The following ENPP3 variants were observed in gnomAD, a reference collection of about 807,000 sequenced individuals.
ENPP3 encodes the protein ectonucleotide pyrophosphatase/phosphodiesterase 3.
In ENPP3, 104 loss-of-function variants were observed where a neutral mutation model predicts 117.8. The ratio of observed to expected loss-of-function variants is 0.88; its 90% confidence interval spans 0.75 to 1.04. The LOEUF (loss-of-function observed/expected upper bound fraction) is 1.04. Among genes scored for constraint, ENPP3 ranks in the 50% least tolerant of loss-of-function variants. The pLI is 0.00. For missense variants in ENPP3, 1,026 were observed against 1,051.9 expected (o/e 0.98, Z 0.34); for synonymous variants, 380 against 349.9 (o/e 1.09, Z -0.96).
At chr6:131,724,163 C>A in intron 19 of ENPP3, 72 bp downstream of exon 19, 1 of 1,012,592 alleles carries the variant, frequency 9.9e-7, no homozygotes, top group Non-Finnish European at 1.5e-6. Context: ...CCTTTTAGGA[C>A]TCTCCAAAAT....
rs1254378060 is a variant in ENPP3, at chr6:131,720,325, G to C, written c.1513G>C (p.Glu505Gln). 5 of 1,600,850 alleles carry C rather than the reference G, an allele frequency of 3.1e-6. No individual in the cohort carries two copies. Among genetic ancestry groups the C allele is most frequent in the Non-Finnish European group, 4.3e-6 (5 of 1,172,218 alleles). The stretch of plus-strand genomic sequence containing the variant: ...TCTGGCACATGGACCCAGTTTTAAA[G>C]AGAAGACTGAAGTTGAACCATTTGA... ...IFLAHGPSFK[E>Q]KTEVEPFENI... Residue 505 changes from glutamate (E) to glutamine (Q), a missense_variant, in exon 17 of 25, where the codon GAG (glutamate) becomes CAG (glutamine). Transcript: ENST00000357639.
In ENPP3 at chr6:131,743,824, CAAAATAAAAT is replaced by C. The variant is rs3884395; in HGVS notation, c.2458-2938_2458-2929del. On this transcript the variant is annotated intron_variant, in intron 24 of 24. Coordinates refer to ENST00000357639, the MANE Select transcript of ENPP3 (RefSeq NM_005021.5). ...TGGGCAACAGAACAAGACTCTGTCTCAAAATAAAATAAAATAAAATAAAATAAAATAAAGT... is the reference window on the plus strand; with the variant it reads ...TGGGCAACAGAACAAGACTCTGTCTCAAAATAAAATAAAATAAAATAAAGT... Among the ~76,000 whole-genome samples, 28 of 148,336 alleles carry C rather than the reference CAAAATAAAAT, an allele frequency of 1.9e-4. No individual in the cohort carries two copies. The South Asian group carries it at 2.0e-3, about 10-fold the overall frequency.
At position 131,678,907 on chromosome 6, in the gene ENPP3, C is replaced by CTCTCTTTCTT. The variant is rs1778932071; in HGVS notation, c.1011+970_1011+971insCTTTCTTTCT. Among the ~76,000 whole-genome samples, 6 of 71,762 alleles carry CTCTCTTTCTT rather than the reference C, an allele frequency of 8.4e-5. No individual in the cohort carries two copies. In the South Asian group the frequency reaches 2.4e-3, roughly 29 times the overall value. 47.1% of individuals were successfully genotyped at this position (71,762 alleles called of 152,430 possible). On this transcript the variant is annotated intron_variant, in intron 11 of 24. Transcript: ENST00000357639. ...CCTTCTTTTCCCTTTCTTTCTTTCT[C>CTCTCTTTCTT]TCTTTCTTTCTTTCTTTCTTTCTTT...
chr6:131,697,993 A>G (rs904387260), intron 15 of ENPP3, among the ~76,000 whole-genome samples: 32 of 152,162 alleles, frequency 2.1e-4, no homozygotes, highest in African/African-American at 7.7e-4. Context: ...TAGAAGCCAC[A>G]GTTTCTAGGA....
At chr6:131,658,095 A>C (rs1778423003) in intron 5 of ENPP3, among the ~76,000 whole-genome samples, 1 of 151,408 alleles carries the variant, frequency 6.6e-6, no homozygotes, top group Non-Finnish European at 1.5e-5. Flanking sequence ...TGGAGGTGGC[A>C]GTGAGCTGAG....
At chr6:131,732,161 A>AT (rs958449558) in intron 20 of ENPP3, among the ~76,000 whole-genome samples, 2 of 152,172 alleles carry the variant, frequency 1.3e-5, no homozygotes, top group African/African-American at 4.8e-5. Flanking sequence ...CTTAATCTTC[A>AT]TTTTTTTATA....
rs1295024445 is a variant in ENPP3 at position 131,722,376 on chromosome 6, C to G, written c.1717C>G (p.Leu573Val). The G allele has an allele frequency of 3.7e-6, 6 of 1,614,024 alleles. No homozygotes were observed. The South Asian group carries it at 6.6e-5, about 18-fold the overall frequency. ...GFANPLPTES[L>V]DCFCPHLQNS... Reference sequence around the variant, plus strand: ...TGCTAATCCATTGCCCACAGAGTCTCTTGACTGTTTCTGCCCTCACCTACA... The same window carrying G: ...TGCTAATCCATTGCCCACAGAGTCTGTTGACTGTTTCTGCCCTCACCTACA... The change falls in exon 18 of 25, where the codon CTT becomes GTT. Residue 573 changes from leucine (L) to valine (V), a missense_variant. Physicochemically the swap from Leu to Val is conservative, Grantham distance 32. Transcript: ENST00000357639.
chr6:131,701,743 G>A (rs1481798105), intron 15 of ENPP3, among the ~76,000 whole-genome samples: 2 of 150,482 alleles, frequency 1.3e-5, no homozygotes, highest in Admixed American at 1.3e-4. Context: ...TTAGCCCGGC[G>A]TGGCGGCGTG....
At chr6:131,740,632 A>G (rs1780509002) in intron 24 of ENPP3, among the ~76,000 whole-genome samples, 1 of 152,164 alleles carries the variant, frequency 6.6e-6, no homozygotes, top group Admixed American at 6.5e-5. Context: ...TTTTATTCAC[A>G]TTCACTAATA....
In ENPP3 at chr6:131,746,854, A is replaced by G. The variant is rs1780646366; in HGVS notation, c.2526A>G (p.Val842=). The part of the protein sequence containing the change: ...FTAHIARVRD[V]ELLTGLDFYQ... The stretch of plus-strand genomic sequence containing the variant: ...CTCACATTGCCCGGGTCCGTGATGT[A>G]GAACTTCTCACTGGGCTTGACTTCT... The change falls in exon 25 of 25, where the codon GTA becomes GTG. Residue 842 remains valine, a synonymous_variant. Transcript: ENST00000357639. 1 of 1,613,490 alleles carries G rather than the reference A, an allele frequency of 6.2e-7. No homozygotes were observed. Among genetic ancestry groups the G allele is most frequent in the Admixed American group, 1.7e-5 (1 of 59,918 alleles).
chr6:131,686,768 G>C (rs913446483), intron 14 of ENPP3, among the ~76,000 whole-genome samples: 6 of 152,120 alleles, frequency 3.9e-5, no homozygotes, highest in African/African-American at 1.4e-4. Context: ...GCAGTATTTG[G>C]TTTTCTGTTC....
chr6:131,736,322 G>T (rs1780396217), intron 21 of ENPP3, among the ~76,000 whole-genome samples: 1 of 152,196 alleles, frequency 6.6e-6, no homozygotes, highest in South Asian at 2.1e-4. Context: ...ATAAAGAAAA[G>T]GGGTTTAATG....
chr6:131,732,148 T>G (rs1034091036), intron 20 of ENPP3, among the ~76,000 whole-genome samples: 1 of 152,238 alleles, frequency 6.6e-6, no homozygotes, highest in Non-Finnish European at 1.5e-5. Flanking sequence ...CATCCTAATT[T>G]AACTTAATCT....
In ENPP3 at chr6:131,678,938, TTTC is replaced by T. The variant is rs1778938750; in HGVS notation, c.1011+1001_1011+1003del. Among the ~76,000 whole-genome samples, 4 of 89,912 alleles carry T rather than the reference TTTC, an allele frequency of 4.4e-5. No individual in the cohort carries two copies. In the Admixed American group the frequency reaches 4.7e-4, roughly 10 times the overall value. The allele number at this position is 89,912 out of a possible 152,430, so 59.0% of individuals were successfully genotyped here. ...CTTTCTTTCTTTCTTTCTTTCTTTC[TTTC>T]TTTCTTTCTTTCTTTCTTTCCTTCC... On this transcript the variant is annotated intron_variant, in intron 11 of 24. Coordinates refer to ENST00000357639, the MANE Select transcript of ENPP3 (RefSeq NM_005021.5).
Position 131,733,682 on chromosome 6 carries a change from T to G in ENPP3, c.2048T>G (p.Leu683Ter). Residue 683 changes from leucine to a stop codon, truncating the protein, a stop_gained, in exon 21 of 25, where the codon TTA becomes TGA. Transcript: ENST00000357639. LOFTEE classifies it high-confidence loss of function. ...PSESQKCSFY[L>*]ADKNITHGFL... Reference sequence around the variant, plus strand: ...GAGAGCCAAAAATGTTCCTTCTATTTAGCAGACAAGAATATCACCCACGGC... The same window carrying G: ...GAGAGCCAAAAATGTTCCTTCTATTGAGCAGACAAGAATATCACCCACGGC... 6.2e-7 allele frequency: 1 copy of G among 1,614,182 alleles called. No individual in the cohort carries two copies. The highest frequency in any genetic ancestry group is 8.5e-7 in the Non-Finnish European group (1 of 1,180,012).
chr6:131,665,163 T>C (rs1311069590), intron 6 of ENPP3, among the ~76,000 whole-genome samples: 1 of 152,200 alleles, frequency 6.6e-6, no homozygotes, highest in Admixed American at 6.5e-5. Context: ...TAGTATTTTG[T>C]TGAATATTTT....
intron 5 of ENPP3, among the ~76,000 whole-genome samples, chr6:131,657,485 G>C (rs1267356115): frequency 6.6e-6 from 1 of 152,158 alleles, no homozygotes; most frequent in Non-Finnish European, 1.5e-5. Flanking sequence ...AGTGCCTATG[G>C]ACAGTAGAAT....
Position 131,746,813 on chromosome 6 carries a change from G to A in ENPP3, c.2485G>A (p.Glu829Lys), listed in dbSNP as rs756568348. 52 of 1,609,220 alleles carry A rather than the reference G, an allele frequency of 3.2e-5. No homozygotes were observed. The South Asian group carries it at 5.6e-4, about 17-fold the overall frequency. ...AGGTAAACCAGAAGCTCTTTGGGTT[G>A]AAGAAAGATTTACAGCTCACATTGC... ...PEGKPEALWV[E>K]ERFTAHIARV... is the part of the protein sequence containing the mutation. The change falls in exon 25 of 25, where the codon GAA (glutamate) becomes AAA (lysine). Residue 829 changes from glutamate to lysine, a missense_variant. Glu to Lys is a moderately conservative substitution (Grantham distance 56). Coordinates refer to ENST00000357639, the MANE Select transcript of ENPP3 (RefSeq NM_005021.5).
chr6:131,744,578 G>A (rs1298016482), intron 24 of ENPP3, among the ~76,000 whole-genome samples: 1 of 152,276 alleles, frequency 6.6e-6, no homozygotes, highest in Admixed American at 6.5e-5. Flanking sequence ...AGAAGCCTGG[G>A]GTAGCTAACT....
Sources: allele counts gnomAD v4.1 joint callset (sites outside exome capture counted in the v4.1 genomes callset), GRCh38; gene constraint gnomAD v4.1.1; transcripts MANE v1.5; gene names NCBI Gene and HGNC (gene_info 2026-07-23, HGNC 2026-07-21).